LMBR1: variants seen among roughly 807,000 people sequenced by gnomAD.
LMBR1 encodes the protein limb region 1 protein homolog.
In LMBR1, 52 loss-of-function variants were observed where a neutral mutation model predicts 73.9. The observed-to-expected ratio is 0.70, with a 90% CI of 0.56 to 0.89. The LOEUF is 0.89. Among genes scored for constraint, LMBR1 ranks in the 40% least tolerant of loss-of-function variants. LMBR1 has a pLI of 0.00. For missense variants in LMBR1, 539 were observed against 579.8 expected, an observed-to-expected ratio of 0.93 and a Z score of 0.72; for synonymous variants, 215 against 209.4, an observed-to-expected ratio of 1.03 and a Z score of -0.23.
intron 8 of LMBR1, 28 bp from the exon 9 acceptor site, chr7:156,756,493 A>T: frequency 9.3e-7 from 1 of 1,077,746 alleles, no homozygotes. Context: ...ACTATTCAAT[A>T]ATTCAACGTT....
chr7:156,696,083 C>T (rs1808223999), intron 15 of LMBR1, among the ~76,000 whole-genome samples: 1 of 152,098 alleles, frequency 6.6e-6, no homozygotes, highest in Non-Finnish European at 1.5e-5. Flanking sequence ...TGGGCCAAAG[C>T]ACAGAAACTA....
At chr7:156,814,939 C>A (rs950869408) in intron 4 of LMBR1, among the ~76,000 whole-genome samples, 2 of 152,022 alleles carry the variant, frequency 1.3e-5, no homozygotes, top group African/African-American at 2.4e-5. Context: ...GGCAGATTAC[C>A]TGAGGTTGAG....
chr7:156,823,206 T>C (rs1264343724), intron 4 of LMBR1: 2 of 151,400 alleles, frequency 1.3e-5, no homozygotes, highest in East Asian at 1.9e-4. Flanking sequence ...TAAAATGTCC[T>C]ATCTGACTAA....
intron 4 of LMBR1, among the ~76,000 whole-genome samples, chr7:156,805,478 A>T (rs987585976): frequency 1.3e-5 from 2 of 152,140 alleles, no homozygotes; most frequent in Non-Finnish European, 2.9e-5. Context: ...GGCCTCCCAA[A>T]GCGCTGGGAT....
Position 156,729,312 on chromosome 7 carries a change from C to G in LMBR1, c.839-592G>C, listed in dbSNP as rs553782658. On this transcript the variant is annotated intron_variant, in intron 10 of 16. Coordinates refer to ENST00000353442, the MANE Select transcript of LMBR1 (RefSeq NM_022458.4). Reference sequence around the variant, plus strand: ...AGGCCTTCTATAGCCACAGGTTCTGCAATAATTTTCTACCATATGTGGATT... The same window carrying G: ...AGGCCTTCTATAGCCACAGGTTCTGGAATAATTTTCTACCATATGTGGATT... Among the ~76,000 whole-genome samples the G allele has an allele frequency of 3.9e-5, 6 of 152,062 alleles. No individual in the cohort carries two copies. In the East Asian group the frequency reaches 1.2e-3, roughly 29 times the overall value.
At chr7:156,813,423 GC>G (rs1833422064) in intron 4 of LMBR1, among the ~76,000 whole-genome samples, 1 of 151,912 alleles carries the variant, frequency 6.6e-6, no homozygotes, top group South Asian at 2.1e-4. Context: ...TGATATCCTT[GC>G]CCCTTGTTTA....
intron 9 of LMBR1, among the ~76,000 whole-genome samples, chr7:156,750,252 ATTAC>A (rs1262328116): frequency 2.0e-5 from 3 of 152,108 alleles, no homozygotes; most frequent in South Asian, 2.1e-4. Context: ...ATGCCGTTGC[ATTAC>A]TTAAACATTT....
intron 9 of LMBR1, among the ~76,000 whole-genome samples, chr7:156,739,432 T>C (rs1818487498): frequency 6.6e-6 from 1 of 152,204 alleles, no homozygotes; most frequent in African/African-American, 2.4e-5. Flanking sequence ...CGTAGAGCCC[T>C]AGGGCCTTGA....
In LMBR1 at chr7:156,849,642, A is replaced by T. The variant is rs1297050559; in HGVS notation, c.67-12757T>A. ...AAAGGCAAAACAAAACTGTGGAGAC[A>T]CTAAAAGCATCAGTTGTTTGTTGCC... is the stretch of plus-strand genomic sequence containing the variant. On this transcript the variant is annotated intron_variant, in intron 1 of 16. Transcript: ENST00000353442. 3.9e-5 allele frequency among the ~76,000 whole-genome samples: 6 copies of T among 152,222 alleles called. No individual in the cohort carries two copies. The South Asian group carries it at 1.2e-3, about 32-fold the overall frequency.
chr7:156,725,369 AT>A, intron 14 of LMBR1, 65 bp downstream of exon 14: 1 of 910,224 alleles, frequency 1.1e-6, no homozygotes. Flanking sequence ...CAGAATGACT[AT>A]TAAATAAAGC....
chr7:156,710,384 T>C (rs1254608073), intron 15 of LMBR1, among the ~76,000 whole-genome samples: 1 of 152,096 alleles, frequency 6.6e-6, no homozygotes, highest in Non-Finnish European at 1.5e-5. Context: ...CCAAATGCAC[T>C]GGAAAGTTTC....
intron 8 of LMBR1, among the ~76,000 whole-genome samples, chr7:156,761,773 G>A (rs1255510460): frequency 2.6e-5 from 4 of 151,998 alleles, no homozygotes; most frequent in African/African-American, 9.7e-5. Context: ...TCAGGAGATT[G>A]AGACCACCCT....
chr7:156,718,250 A>G (rs1332282134), intron 15 of LMBR1, among the ~76,000 whole-genome samples: 3 of 151,858 alleles, frequency 2.0e-5, no homozygotes, highest in Non-Finnish European at 4.4e-5. Context: ...AAATACAAAA[A>G]TTAGCTGGGC....
At position 156,891,210 on chromosome 7, in the gene LMBR1, AAAT is replaced by A. The variant is rs1485292349; in HGVS notation, c.66+1715_66+1717del. ...CATCACAAAAAAAAAAAAAAAAAAAAAATATATATATATATATATATATACACA... is the reference window on the plus strand; with the variant it reads ...CATCACAAAAAAAAAAAAAAAAAAAAATATATATATATATATATATACACA... On this transcript the variant is annotated intron_variant, in intron 1 of 16. Transcript: ENST00000353442. Among the ~76,000 whole-genome samples the A allele has an allele frequency of 2.5e-3, 194 of 77,860 alleles. 4 individuals carry two copies. The highest frequency in any genetic ancestry group is 0.018 in the East Asian group (55 of 3,138). The allele number at this position is 77,860 out of a possible 152,430, so 51.1% of individuals were successfully genotyped here.
In LMBR1 at chr7:156,844,379, AC is replaced by A. The variant is rs567209447; in HGVS notation, c.67-7495del. On this transcript the variant is annotated intron_variant, in intron 1 of 16. Transcript: ENST00000353442. ...AAGAATACAACTATAACAGACCAAAACAAAAATCACAGAACTCATTAGACTG... is the reference window on the plus strand; with the variant it reads ...AAGAATACAACTATAACAGACCAAAAAAAAATCACAGAACTCATTAGACTG... Among the ~76,000 whole-genome samples the A allele has an allele frequency of 3.3e-4, 50 of 152,254 alleles. 1 individual carries two copies. The South Asian group carries it at 7.5e-3, about 23-fold the overall frequency.
intron 15 of LMBR1, among the ~76,000 whole-genome samples, chr7:156,689,114 G>A (rs1010150959): frequency 6.6e-6 from 1 of 152,068 alleles, no homozygotes; most frequent in Non-Finnish European, 1.5e-5. Context: ...TCTATTAAAT[G>A]AGCACATGGC....
chr7:156,756,424 TA>T lies in LMBR1; in HGVS notation c.725del (p.Leu242Ter). On this transcript the variant is annotated frameshift_variant, in exon 9 of 17. Transcript: ENST00000353442. LOFTEE classifies it high-confidence loss of function. ...GTCGTCTCTGGAGTGCTTCTTCCTC[TA>T]AGGTAATGATATAAATTTGTTCATC... ...DLDEQIYIIT[L>X]EEEALQRRLN... 1.3e-6 allele frequency: 2 copies of T among 1,501,908 alleles called. No homozygotes were observed. The highest frequency in any genetic ancestry group is 1.8e-6 in the Non-Finnish European group (2 of 1,086,364). The allele number at this position is 1,501,908 out of a possible 1,614,324, so 93.0% of individuals were successfully genotyped here. A position where few individuals can be genotyped will look rare whatever the true frequency, so the allele number is the denominator to read the frequency against.
In LMBR1 at chr7:156,860,318, G is replaced by A. The variant is rs527759717; in HGVS notation, c.67-23433C>T. Among the ~76,000 whole-genome samples the A allele has an allele frequency of 1.4e-3, 209 of 152,228 alleles. 1 individual carries two copies. The highest frequency in any genetic ancestry group is 4.2e-3 in the African/African-American group (174 of 41,536). ...CAGGCAAAGAGAAGAGTTTGTGCAGGGGAACTCTTCTTTATAAAACCATCA... is the reference window on the plus strand; with the variant it reads ...CAGGCAAAGAGAAGAGTTTGTGCAGAGGAACTCTTCTTTATAAAACCATCA... On this transcript the variant is annotated intron_variant, in intron 1 of 16. Coordinates refer to ENST00000353442, the MANE Select transcript of LMBR1 (RefSeq NM_022458.4).
chr7:156,689,915 AC>A (rs1806813511), intron 15 of LMBR1, among the ~76,000 whole-genome samples: 1 of 152,256 alleles, frequency 6.6e-6, no homozygotes, highest in Non-Finnish European at 1.5e-5. Context: ...ATATAGTCCT[AC>A]CAAAACAAGC....
Sources: allele counts gnomAD v4.1 joint callset (sites outside exome capture counted in the v4.1 genomes callset), GRCh38; gene constraint gnomAD v4.1.1; transcripts MANE v1.5; gene names NCBI Gene and HGNC (gene_info 2026-07-23, HGNC 2026-07-21).